The following AGMO variants were observed in gnomAD, a reference collection of about 807,000 sequenced individuals.
AGMO encodes alkylglycerol monooxygenase.
In AGMO, 75 loss-of-function variants were observed where a neutral mutation model predicts 60.2. The ratio of observed to expected loss-of-function variants is 1.25; its 90% confidence interval spans 1.03 to 1.51. AGMO has a LOEUF of 1.51. Ranked by LOEUF, AGMO falls within the 40% of genes most tolerant of loss-of-function variation. The pLI is 0.00. For synonymous variants in AGMO, 261 were observed against 177.1 expected (o/e 1.47, Z -3.76); for missense variants, 763 against 525.5 (o/e 1.45, Z -4.42).
chr7:15,388,068 A>G (rs1009401110), intron 8 of AGMO, among the ~76,000 whole-genome samples: 40 of 152,076 alleles, frequency 2.6e-4, no homozygotes, highest in African/African-American at 8.0e-4. Context: ...CCACCATGCC[A>G]GGCTAATTTT....
At chr7:15,451,896 C>T (rs1179443599) in intron 3 of AGMO, among the ~76,000 whole-genome samples, 1 of 152,128 alleles carries the variant, frequency 6.6e-6, no homozygotes, top group Admixed American at 6.5e-5. Flanking sequence ...ATTTGCCTTA[C>T]TTATTGGAAC....
At chr7:15,355,395 C>G (rs962103358) in intron 12 of AGMO, among the ~76,000 whole-genome samples, 1 of 147,218 alleles carries the variant, frequency 6.8e-6, no homozygotes, top group Non-Finnish European at 1.5e-5. Flanking sequence ...CCCAGCTACT[C>G]GGGAGGCTGA....
intron 4 of AGMO, among the ~76,000 whole-genome samples, chr7:15,426,821 G>C (rs1224770685): frequency 1.3e-5 from 2 of 151,980 alleles, no homozygotes; most frequent in Non-Finnish European, 2.9e-5. Context: ...CAGAGGTAAT[G>C]GCATGTGCAA....
intron 12 of AGMO, among the ~76,000 whole-genome samples, chr7:15,348,182 A>T (rs1348714052): frequency 1.3e-5 from 2 of 152,022 alleles, no homozygotes; most frequent in Non-Finnish European, 2.9e-5. Flanking sequence ...GCACAGTCTC[A>T]TGTTCTCCCA....
chr7:15,273,301 T>C (rs1390643906), intron 12 of AGMO, among the ~76,000 whole-genome samples: 1 of 152,174 alleles, frequency 6.6e-6, no homozygotes, highest in Admixed American at 6.5e-5. Flanking sequence ...AATTAATTTC[T>C]GCATAAGGTG....
chr7:15,308,840 G>A (rs762460345), intron 12 of AGMO, among the ~76,000 whole-genome samples: 10 of 151,996 alleles, frequency 6.6e-5, no homozygotes, highest in African/African-American at 9.7e-5. Context: ...ACAAAGTTTC[G>A]CAATGGTTAA....
rs542883567 is a variant in AGMO at position 15,473,446 on chromosome 7, A to T, written c.410-42338T>A. ...CAAAACCTGGCAGAGACACAACAAA[A>T]AAAGAAAATTTCAGGCCAATATCCC... is the stretch of plus-strand genomic sequence containing the variant. On this transcript the variant is annotated intron_variant, in intron 3 of 12. Coordinates refer to ENST00000342526, the MANE Select transcript of AGMO (RefSeq NM_001004320.2). Among the ~76,000 whole-genome samples the T allele has an allele frequency of 1.7e-4, 26 of 152,152 alleles. No individual in the cohort carries two copies. The South Asian group carries it at 5.4e-3, about 32-fold the overall frequency.
At position 15,201,151 on chromosome 7, in the gene AGMO, T is replaced by C; in HGVS notation, c.*134A>G. On this transcript the variant is annotated 3_prime_UTR_variant, in exon 13 of 13. Coordinates refer to ENST00000342526, the MANE Select transcript of AGMO (RefSeq NM_001004320.2). ...AACAAATGTGAAAGGCAAACAATAG[T>C]AAATAAGTAATTTTACTTTTCATTG... is the stretch of plus-strand genomic sequence containing the variant. 1.8e-6 allele frequency: 1 copy of C among 552,740 alleles called. No individual in the cohort carries two copies. Among genetic ancestry groups the C allele is most frequent in the Non-Finnish European group, 2.9e-6 (1 of 342,826 alleles). The allele number at this position is 552,740 out of a possible 1,614,324, so 34.2% of individuals were successfully genotyped here.
chr7:15,376,349 G>T (rs758274692), intron 10 of AGMO, among the ~76,000 whole-genome samples: 1 of 151,488 alleles, frequency 6.6e-6, no homozygotes, highest in Admixed American at 6.6e-5. Flanking sequence ...GGCACTCTCT[G>T]CTGTAAGAGT....
At chr7:15,132,498 T>C in the AGMO span, among the ~76,000 whole-genome samples, 1 of 152,164 alleles carries the variant, frequency 6.6e-6, no homozygotes, top group Non-Finnish European at 1.5e-5. Context: ...AGCTCCAACT[T>C]ACAAACCTCA....
In AGMO at chr7:15,479,486, C is replaced by T. The variant is rs78367557; in HGVS notation, c.410-48378G>A. 6.3e-3 allele frequency among the ~76,000 whole-genome samples: 967 copies of T among 152,302 alleles called. 11 individuals are homozygous for T. The highest frequency in any genetic ancestry group is 0.022 in the African/African-American group (898 of 41,578). ...GACTCCTGAGCCAATGTTCTTTTCA[C>T]TATCGCCCATAATCACAGTTTTAGA... On this transcript the variant is annotated intron_variant, in intron 3 of 12. Transcript: ENST00000342526.
At chr7:15,391,247 A>T (rs1343741759) in intron 6 of AGMO, among the ~76,000 whole-genome samples, 6 of 152,016 alleles carry the variant, frequency 3.9e-5, no homozygotes, top group African/African-American at 1.5e-4. Context: ...ATTATAAATG[A>T]GAAATAAAAT....
At chr7:15,477,838 A>C (rs919264444) in intron 3 of AGMO, among the ~76,000 whole-genome samples, 5 of 152,136 alleles carry the variant, frequency 3.3e-5, no homozygotes, top group African/African-American at 1.2e-4. Context: ...AATTAAGTCA[A>C]TTTTCTAAAC....
chr7:15,474,899 G>A (rs137989972), intron 3 of AGMO, among the ~76,000 whole-genome samples: 104 of 151,942 alleles, frequency 6.8e-4, no homozygotes, highest in African/African-American at 2.3e-3. Context: ...GGACAGACAC[G>A]TCTCAAAAGA....
intron 2 of AGMO, among the ~76,000 whole-genome samples, chr7:15,547,330 G>C (rs1259263653): frequency 6.6e-6 from 1 of 152,162 alleles, no homozygotes; most frequent in Non-Finnish European, 1.5e-5. Flanking sequence ...TGGCCAAATA[G>C]GAACAGCTCC....
chr7:15,342,172 T>TAAAAAAAAAAAAAAAAAA lies in AGMO; in HGVS notation c.1263+23324_1263+23341dup, dbSNP rs775057626. On this transcript the variant is annotated intron_variant, in intron 12 of 12. Coordinates refer to ENST00000342526, the MANE Select transcript of AGMO (RefSeq NM_001004320.2). The stretch of plus-strand genomic sequence containing the variant: ...AGCTGAGAGTAGATACCCACAGAGT[T>TAAAAAAAAAAAAAAAAAA]AAAAAAAAAAAAAAAAAAAAAAAAG... Among the ~76,000 whole-genome samples the TAAAAAAAAAAAAAAAAAA allele has an allele frequency of 5.3e-4, 29 of 54,302 alleles. 5 individuals are homozygous for TAAAAAAAAAAAAAAAAAA. The highest frequency in any genetic ancestry group is 1.0e-3 in the African/African-American group (11 of 10,746). The allele number at this position is 54,302 out of a possible 152,430, so 35.6% of individuals were successfully genotyped here. A position where few individuals can be genotyped will look rare whatever the true frequency, so the allele number is the denominator to read the frequency against.
At chr7:15,328,983 T>C (rs1781424637) in intron 12 of AGMO, among the ~76,000 whole-genome samples, 1 of 152,192 alleles carries the variant, frequency 6.6e-6, no homozygotes, top group East Asian at 1.9e-4. Context: ...CAGTATGGTT[T>C]GCTCCTTTAC....
intron 4 of AGMO, among the ~76,000 whole-genome samples, chr7:15,426,864 G>A (rs1459817217): frequency 2.0e-5 from 3 of 152,142 alleles, no homozygotes; most frequent in Non-Finnish European, 4.4e-5. Flanking sequence ...ATGGTAGATT[G>A]AGAGAAGTGA....
intron 2 of AGMO, among the ~76,000 whole-genome samples, chr7:15,546,452 T>A (rs575437884): frequency 1.1e-3 from 168 of 152,344 alleles, no homozygotes; most frequent in African/African-American, 3.9e-3. Context: ...TACTCTAGAA[T>A]ACATTGCTGC....
Sources: allele counts gnomAD v4.1 joint callset (sites outside exome capture counted in the v4.1 genomes callset), GRCh38; gene constraint gnomAD v4.1.1; transcripts MANE v1.5; gene names NCBI Gene and HGNC (gene_info 2026-07-23, HGNC 2026-07-21).